The following TENT5D variants were observed in gnomAD, a reference collection of about 807,000 sequenced individuals.
The protein encoded by TENT5D is terminal nucleotidyltransferase 5D.
For synonymous variants in TENT5D, 103 were observed against 100.6 expected, an observed-to-expected ratio of 1.02 and a Z score of -0.15; for missense variants, 191 against 287.0, an observed-to-expected ratio of 0.67 and a Z score of 2.42.
chrX:80,346,083 T>C (rs1012281123), intron 3 of TENT5D, among the ~76,000 whole-genome samples: 37 of 112,369 alleles, frequency 3.3e-4, no homozygotes, highest in African/African-American at 1.1e-3. Flanking sequence ...TGAACAGTTA[T>C]AAACCTTCAA....
At chrX:80,400,887 C>A (rs1461028450) in intron 3 of TENT5D, among the ~76,000 whole-genome samples, 1 of 111,329 alleles carries the variant, frequency 9.0e-6, no homozygotes, top group Non-Finnish European at 1.9e-5. Context: ...ATTGCCTTGG[C>A]TGTTTGGGTT....
upstream of TENT5D, among the ~76,000 whole-genome samples, chrX:80,419,263 G>A (rs12010982): frequency 4.7e-3 from 526 of 111,278 alleles, 7 homozygotes; most frequent in African/African-American, 0.016. Flanking sequence ...AACTGTACAC[G>A]TATATTTTTC....
At chrX:80,423,677 G>A (rs1037582581) in intron 1 of TENT5D, among the ~76,000 whole-genome samples, 4 of 108,914 alleles carry the variant, frequency 3.7e-5, no homozygotes, top group African/African-American at 1.3e-4. Flanking sequence ...TATTTAGGCC[G>A]AGCTTACGGT....
At chrX:80,410,193 C>T (rs1436217963) in intron 3 of TENT5D, among the ~76,000 whole-genome samples, 3 of 110,190 alleles carry the variant, frequency 2.7e-5, no homozygotes, top group African/African-American at 9.9e-5. Flanking sequence ...GCAAGGACTT[C>T]ATGTCCAAAA....
chrX:80,412,415 G>A (rs59840335), intron 3 of TENT5D, among the ~76,000 whole-genome samples: 164 of 112,772 alleles, frequency 1.5e-3, no homozygotes, highest in South Asian at 2.9e-3. Flanking sequence ...AATTTCTGCA[G>A]CCGGCCTGAA....
chrX:80,343,956 T>G (rs963640780), intron 3 of TENT5D, among the ~76,000 whole-genome samples: 2 of 110,405 alleles, frequency 1.8e-5, no homozygotes, highest in African/African-American at 6.6e-5. Context: ...CCTTCCACCC[T>G]CCTCCCTCAA....
intron 3 of TENT5D, among the ~76,000 whole-genome samples, chrX:80,348,001 C>A (rs1251819333): frequency 1.8e-5 from 2 of 111,526 alleles, no homozygotes; most frequent in Non-Finnish European, 3.8e-5. Context: ...GGTGTTATTT[C>A]TGAGGCCTCT....
chrX:80,429,484 G>A (rs1191434787), intron 1 of TENT5D, among the ~76,000 whole-genome samples: 1 of 105,963 alleles, frequency 9.4e-6, no homozygotes, highest in African/African-American at 3.4e-5. Flanking sequence ...TTTTTTTTTA[G>A]TAGAGACAGG....
intron 1 of TENT5D, among the ~76,000 whole-genome samples, chrX:80,431,332 C>G (rs1409320014): frequency 1.8e-5 from 2 of 111,063 alleles, no homozygotes; most frequent in Non-Finnish European, 3.8e-5. Context: ...AAATTTGGGG[C>G]AAAGAGCTGA....
intron 3 of TENT5D, among the ~76,000 whole-genome samples, chrX:80,383,818 G>A (rs1463438951): frequency 9.0e-6 from 1 of 110,895 alleles, no homozygotes; most frequent in East Asian, 2.8e-4. Flanking sequence ...ATTGTGCCAC[G>A]GCACTCTAGC....
At chrX:80,388,425 A>G (rs923056704) in intron 3 of TENT5D, among the ~76,000 whole-genome samples, 1 of 111,615 alleles carries the variant, frequency 9.0e-6, no homozygotes, top group Non-Finnish European at 1.9e-5. Context: ...CTGATTAATC[A>G]GGGCTCAAGG....
rs150121519 is a variant in TENT5D, at chrX:80,425,697, T to G, written c.-142+5134T>G. 2.3e-4 allele frequency among the ~76,000 whole-genome samples: 26 copies of G among 112,158 alleles called. No homozygotes were observed. In the East Asian group the frequency reaches 5.3e-3, roughly 23 times the overall value. ...ATAGCATATATTTAAACATTAGAAC[T>G]TTAGACATCCCATATGGTTTTAGAA... On this transcript the variant is annotated intron_variant, in intron 1 of 2. Coordinates refer to ENST00000308293, the Ensembl canonical transcript of TENT5D.
At chrX:80,348,274 C>T (rs934804623) in intron 3 of TENT5D, among the ~76,000 whole-genome samples, 9 of 111,865 alleles carry the variant, frequency 8.0e-5, no homozygotes, top group African/African-American at 2.3e-4. Context: ...GCCATTTTCA[C>T]GATATTGATT....
At chrX:80,376,091 A>G (rs1333625511) in intron 3 of TENT5D, among the ~76,000 whole-genome samples, 1 of 110,713 alleles carries the variant, frequency 9.0e-6, no homozygotes, top group Admixed American at 9.7e-5. Flanking sequence ...TTTGAGGAGT[A>G]TATGATAGCT....
At chrX:80,405,664 G>A (rs1319539306) in intron 3 of TENT5D, among the ~76,000 whole-genome samples, 2 of 111,791 alleles carry the variant, frequency 1.8e-5, no homozygotes, top group East Asian at 2.8e-4. Flanking sequence ...CAAGGCGGCA[G>A]CGAGGCTGGA....
Position 80,426,065 on chromosome X carries a change from T to A in TENT5D, c.-142+5502T>A, listed in dbSNP as rs369164315. On this transcript the variant is annotated intron_variant, in intron 1 of 2. Coordinates refer to ENST00000308293, the Ensembl canonical transcript of TENT5D. The stretch of plus-strand genomic sequence containing the variant: ...AATAATAATAATATTTACTGAAATA[T>A]AACCTGAAGAAGATTAAACATTACT... Among the ~76,000 whole-genome samples the A allele has an allele frequency of 2.7e-5, 3 of 110,662 alleles. No homozygotes were observed. The South Asian group carries it at 1.1e-3, about 42-fold the overall frequency.
At chrX:80,431,267 A>G (rs190846678) in intron 1 of TENT5D, among the ~76,000 whole-genome samples, 90 of 111,056 alleles carry the variant, frequency 8.1e-4, no homozygotes, top group African/African-American at 2.9e-3. Flanking sequence ...CAAATAGGGT[A>G]TGGGGCCTGA....
Position 80,426,101 on chromosome X carries a change from C to A in TENT5D, c.-142+5538C>A, listed in dbSNP as rs930800184. The stretch of plus-strand genomic sequence containing the variant: ...AGATTAAACATTACTTTGGCAATTC[C>A]ATGTATTTAAACATCTTTAATAATT... On this transcript the variant is annotated intron_variant, in intron 1 of 2. Coordinates refer to ENST00000308293, the Ensembl canonical transcript of TENT5D. Among the ~76,000 whole-genome samples the A allele has an allele frequency of 5.4e-5, 6 of 110,585 alleles. No homozygotes were observed. In the Admixed American group the frequency reaches 5.8e-4, roughly 11 times the overall value.
chrX:80,438,563 TATA>T (rs1359790951), intron 1 of TENT5D, 44 bp from the exon 2 acceptor site: 1 of 109,819 alleles, frequency 9.1e-6, no homozygotes, highest in Non-Finnish European at 1.9e-5. Context: ...ATTATTTGTA[TATA>T]ATATCTATTA....
Sources: gnomAD v4.1 joint callset for allele counts (sites outside exome capture counted in the v4.1 genomes callset) on GRCh38, gnomAD v4.1.1 for gene constraint, MANE v1.5 for transcripts, NCBI Gene and HGNC (gene_info 2026-07-23, HGNC 2026-07-21) for gene names.